EOGT: variants seen among roughly 807,000 people sequenced by gnomAD.
EOGT encodes the protein EGF domain specific O-linked N-acetylglucosamine transferase, also known as EGF domain-specific O-linked N-acetylglucosamine transferase.
Under a neutral mutation model 70.5 loss-of-function variants are expected in EOGT, and 55 were observed. That is an observed-to-expected ratio of 0.78 (90% CI 0.63 to 0.98). The LOEUF is 0.98. Ranked by LOEUF, EOGT falls within the 50% of genes least tolerant of loss-of-function variation. The probability of loss-of-function intolerance (pLI) is 0.00; values close to 1 mark genes in which losing one functional copy is unlikely to be tolerated. For missense variants in EOGT, 703 were observed against 641.9 expected, an observed-to-expected ratio of 1.10 and a Z score of -1.03; for synonymous variants, 246 against 217.1, an observed-to-expected ratio of 1.13 and a Z score of -1.17.
chr3:68,988,379 T>A lies in EOGT; in HGVS notation c.999A>T (p.Ile333=). 3 of 1,534,948 alleles carry A rather than the reference T, an allele frequency of 2.0e-6. No individual in the cohort carries two copies. The highest frequency in any genetic ancestry group is 2.6e-6 in the Non-Finnish European group (3 of 1,145,862). ...ATAGTCCAGTATTTTGACAGCCAGA[T>A]ATCTAAAATAAAAACACTGGTTCAT... The part of the protein sequence containing the change: ...RYGLFYNTPL[I]SGCQNTGLFR... The change falls in exon 13 of 18, where the codon ATA becomes ATT. Residue 333 remains isoleucine, a splice_region_variant and synonymous_variant. Coordinates refer to ENST00000383701, the MANE Select transcript of EOGT (RefSeq NM_001278689.2).
Position 69,001,059 on chromosome 3 carries a change from C to T in EOGT, c.727+549G>A, listed in dbSNP as rs547145377. On this transcript the variant is annotated intron_variant, in intron 9 of 17. Coordinates refer to ENST00000383701, the MANE Select transcript of EOGT (RefSeq NM_001278689.2). ...GCAACCTCTGCCTCCTGGGTTCAAG[C>T]GATTCCCCCGCTTCAACCTCCCGAG... Among the ~76,000 whole-genome samples, 88 of 151,684 alleles carry T rather than the reference C, an allele frequency of 5.8e-4. No individual in the cohort carries two copies. In the South Asian group the frequency reaches 0.016, roughly 28 times the overall value.
chr3:69,005,105 T>C, intron 7 of EOGT, 35 bp downstream of exon 7: 4 of 1,170,690 alleles, frequency 3.4e-6, no homozygotes, highest in Non-Finnish European at 4.9e-6. Context: ...TATTTCAGAA[T>C]TTATACTAGA....
chr3:69,008,461 C>T lies in EOGT; in HGVS notation c.278G>A (p.Gly93Asp). ...EKSCKPEFRF[G>D]YPVCSYVDMG... Reference sequence around the variant, plus strand: ...GTCGACATAGCTGCAAACTGGGTAACCAAACCTGAACTCTGGTTTGCAGGA... The same window carrying T: ...GTCGACATAGCTGCAAACTGGGTAATCAAACCTGAACTCTGGTTTGCAGGA... The change falls in exon 5 of 18, where the codon GGT becomes GAT. Residue 93 changes from glycine (G) to aspartate (D), a missense_variant. Physicochemically the swap from Gly to Asp is moderately conservative, Grantham distance 94 (BLOSUM62 -1). Coordinates refer to ENST00000383701, the MANE Select transcript of EOGT (RefSeq NM_001278689.2). 1 of 1,614,074 alleles carries T rather than the reference C, an allele frequency of 6.2e-7. No homozygotes were observed. The highest frequency in any genetic ancestry group is 8.5e-7 in the Non-Finnish European group (1 of 1,180,000).
chr3:69,005,456 T>C (rs1039930341), intron 6 of EOGT, among the ~76,000 whole-genome samples: 5 of 152,072 alleles, frequency 3.3e-5, no homozygotes, highest in African/African-American at 9.7e-5. Context: ...TAAGTTACCA[T>C]GGAAAACTCC....
chr3:68,995,826 A>T (rs964436200), intron 10 of EOGT, among the ~76,000 whole-genome samples: 13 of 152,246 alleles, frequency 8.5e-5, no homozygotes, highest in African/African-American at 3.1e-4. Flanking sequence ...GCCTGGATGG[A>T]AACTTTGGTT....
Position 69,005,190 on chromosome 3 carries a change from T to C in EOGT, c.465A>G (p.Arg155=), listed in dbSNP as rs6781612. 0.3 allele frequency: 480,764 copies of C among 1,599,472 alleles called. 76,330 individuals are homozygous for C. Among genetic ancestry groups the C allele is most frequent in the East Asian group, 0.52 (23,087 of 44,728 alleles). The change falls in exon 7 of 18, where the codon AGA becomes AGG. Residue 155 remains arginine (R), a synonymous_variant. Transcript: ENST00000383701. ...TTAAATCAAGATAGAGATTGGTTGC[T>C]CTGCAGTACTGAAGATAACGGGAAC... ...LVCSRYLQYC[R]ATNLYLDLRN...
intron 6 of EOGT, among the ~76,000 whole-genome samples, chr3:69,006,972 G>C (rs983183073): frequency 1.3e-5 from 2 of 152,188 alleles, no homozygotes; most frequent in Non-Finnish European, 2.9e-5. Flanking sequence ...CATCAAACGA[G>C]ATAACACACA....
intron 14 of EOGT, among the ~76,000 whole-genome samples, chr3:68,984,167 A>G (rs1462499246): frequency 1.3e-5 from 2 of 152,072 alleles, no homozygotes; most frequent in Non-Finnish European, 2.9e-5. Flanking sequence ...TCCTGCTTAC[A>G]GAAAGCAACA....
intron 16 of EOGT, among the ~76,000 whole-genome samples, 180 bp from the exon 17 acceptor site, chr3:68,978,615 G>C (rs1342395235): frequency 2.6e-5 from 4 of 152,170 alleles, no homozygotes; most frequent in African/African-American, 9.7e-5. Context: ...TGAACTAAAT[G>C]AACTTAACTT....
rs373023936 is a variant in EOGT at position 68,983,360 on chromosome 3, C to T, written c.1153-488G>A. On this transcript the variant is annotated intron_variant, in intron 14 of 17. Coordinates refer to ENST00000383701, the MANE Select transcript of EOGT (RefSeq NM_001278689.2). ...CTTTGAACCTCATCCTCTGAAAATA[C>T]TAAGGTCTTGGCAGAAAAACATTTT... Among the ~76,000 whole-genome samples, 5 of 152,330 alleles carry T rather than the reference C, an allele frequency of 3.3e-5. No individual in the cohort carries two copies. The East Asian group carries it at 9.6e-4, about 29-fold the overall frequency.
At position 68,988,550 on chromosome 3, in the gene EOGT, A is replaced by G; in HGVS notation, c.952T>C (p.Leu318=). 4 of 1,533,072 alleles carry G rather than the reference A, an allele frequency of 2.6e-6. No homozygotes were observed. The highest frequency in any genetic ancestry group is 3.5e-6 in the Non-Finnish European group (4 of 1,145,512). 95.0% of individuals were successfully genotyped at this position (1,533,072 alleles called of 1,614,324 possible). A position where few individuals can be genotyped will look rare whatever the true frequency, so the allele number is the denominator to read the frequency against. Residue 318 remains leucine, a synonymous_variant, in exon 12 of 18, where the codon TTA becomes CTA. Transcript: ENST00000383701. ...RVCFKEAVFS[L]LPRMRYGLFY... Reference sequence around the variant, plus strand: ...AGCCCATACCTCATGCGGGGGAGTAATGAAAAAACAGCTTCTTTAAAACAT... The same window carrying G: ...AGCCCATACCTCATGCGGGGGAGTAGTGAAAAAACAGCTTCTTTAAAACAT...
chr3:68,982,198 C>T (rs1194925642), intron 15 of EOGT, among the ~76,000 whole-genome samples: 1 of 152,108 alleles, frequency 6.6e-6, no homozygotes, highest in Non-Finnish European at 1.5e-5. Context: ...CGTGAGCCAT[C>T]GTGGCCAGTC....
intron 5 of EOGT, among the ~76,000 whole-genome samples, 158 bp downstream of exon 5, chr3:69,008,270 T>G (rs1212217135): frequency 1.3e-5 from 2 of 152,244 alleles, no homozygotes; most frequent in Non-Finnish European, 1.5e-5. Flanking sequence ...CCTATCCCAG[T>G]ATGAAATAGT....
At chr3:68,989,572 AC>A (rs2090919937) in intron 10 of EOGT, among the ~76,000 whole-genome samples, 1 of 151,778 alleles carries the variant, frequency 6.6e-6, no homozygotes, top group African/African-American at 2.4e-5. Flanking sequence ...ATATGATGAA[AC>A]CCCATCTCTA....
intron 17 of EOGT, 34 bp downstream of exon 17, chr3:68,978,299 A>G: frequency 1.3e-6 from 2 of 1,498,130 alleles, no homozygotes; most frequent in South Asian, 1.2e-5. Flanking sequence ...CCAATTAAAA[A>G]TGAAGCAAGG....
At chr3:69,012,835 A>G (rs2091609525) in intron 1 of EOGT, 36 bp from the exon 2 acceptor site, 1 of 152,448 alleles carries the variant, frequency 6.6e-6, no homozygotes, top group Non-Finnish European at 1.5e-5. Context: ...CATCTGAAAG[A>G]TGATGGATAG....
chr3:68,998,062 C>T lies in EOGT; in HGVS notation c.780G>A (p.Gln260=). The change falls in exon 10 of 18, where the codon CAG becomes CAA. Residue 260 remains glutamine (Q), a synonymous_variant. Transcript: ENST00000383701. ...CAGTACTGAATGAGTTATTAACGTG[C>T]TGAGTAATATAAAGATTGATGAAAT... ...FCDFINLYIT[Q]HVNNSFSTDV... is the part of the protein sequence containing the mutation. 1.2e-6 allele frequency: 2 copies of T among 1,601,596 alleles called. No individual in the cohort carries two copies. The highest frequency in any genetic ancestry group is 1.7e-6 in the Non-Finnish European group (2 of 1,174,124).
At chr3:68,978,216 C>T in intron 17 of EOGT, 117 bp downstream of exon 17, 1 of 761,654 alleles carries the variant, frequency 1.3e-6, no homozygotes, top group Non-Finnish European at 2.2e-6. Context: ...ATTCAGTATT[C>T]CAGAGAACAG....
At chr3:68,981,604 C>T (rs2090641783) in intron 15 of EOGT, among the ~76,000 whole-genome samples, 2 of 152,158 alleles carry the variant, frequency 1.3e-5, no homozygotes, top group Admixed American at 1.3e-4. Context: ...AGATGTAATT[C>T]TAGCAACAGG....
Sources: allele counts gnomAD v4.1 joint callset (sites outside exome capture counted in the v4.1 genomes callset), GRCh38; gene constraint gnomAD v4.1.1; transcripts MANE v1.5; gene names NCBI Gene and HGNC (gene_info 2026-07-23, HGNC 2026-07-21).